Variants in CACNB2 observed in about 807,000 individuals in gnomAD.
The protein encoded by CACNB2 is calcium voltage-gated channel auxiliary subunit beta 2.
In CACNB2, 42 loss-of-function variants were observed where a neutral mutation model predicts 73.3. The observed-to-expected ratio is 0.57, with a 90% CI of 0.45 to 0.74. The LOEUF (loss-of-function observed/expected upper bound fraction) is 0.74, where lower values mean the gene tolerates loss of function less well. CACNB2 is among the 30% of genes least tolerant of loss of function. CACNB2 has a pLI of 0.00. For missense variants in CACNB2, 940 were observed against 853.0 expected (o/e 1.10, Z -1.27); for synonymous variants, 348 against 310.3 (o/e 1.12, Z -1.28).
intron 6 of CACNB2, among the ~76,000 whole-genome samples, chr10:18,512,118 C>G (rs2050830745): frequency 6.6e-6 from 1 of 152,048 alleles, no homozygotes; most frequent in Non-Finnish European, 1.5e-5. Flanking sequence ...TTTTTAAGTA[C>G]TATATTTTCA....
At chr10:18,429,166 GA>G (rs1459286984) in intron 3 of CACNB2, among the ~76,000 whole-genome samples, 1 of 152,170 alleles carries the variant, frequency 6.6e-6, no homozygotes, top group Non-Finnish European at 1.5e-5. Flanking sequence ...TAGTTTTGTT[GA>G]AAATGATTGT....
At chr10:18,243,656 G>T (rs1415346560) in intron 2 of CACNB2, among the ~76,000 whole-genome samples, 1 of 152,144 alleles carries the variant, frequency 6.6e-6, no homozygotes, top group East Asian at 1.9e-4. Context: ...GAATAGGTTA[G>T]TTCCTGCAAG....
chr10:18,166,783 T>C (rs1160018228), intron 2 of CACNB2, among the ~76,000 whole-genome samples: 1 of 151,996 alleles, frequency 6.6e-6, no homozygotes, highest in African/African-American at 2.4e-5. Context: ...TTAGGAGATA[T>C]ACCTAATGCT....
intron 2 of CACNB2, among the ~76,000 whole-genome samples, chr10:18,363,937 G>C (rs1376411768): frequency 6.7e-6 from 1 of 149,408 alleles, no homozygotes; most frequent in South Asian, 2.1e-4. Context: ...GTAGGGTCTT[G>C]AAGGCAGTTT....
chr10:18,187,572 T>A (rs2034209936), intron 2 of CACNB2, among the ~76,000 whole-genome samples: 1 of 151,966 alleles, frequency 6.6e-6, no homozygotes. Context: ...ACATAGAGGG[T>A]TCTTATATTT....
intron 5 of CACNB2, among the ~76,000 whole-genome samples, chr10:18,503,792 ATAAAT>A (rs2050339096): frequency 6.6e-6 from 1 of 152,228 alleles, no homozygotes; most frequent in African/African-American, 2.4e-5. Context: ...CCAAGATGAA[ATAAAT>A]TAAGGATAGT....
chr10:18,366,661 TG>T (rs2042366749), intron 2 of CACNB2, among the ~76,000 whole-genome samples: 8 of 151,512 alleles, frequency 5.3e-5, no homozygotes, highest in African/African-American at 1.9e-4. Context: ...CTGGCCAACA[TG>T]GTGAAACCCC....
intron 3 of CACNB2, among the ~76,000 whole-genome samples, chr10:18,443,989 A>G (rs2046608955): frequency 1.3e-5 from 2 of 152,230 alleles, no homozygotes; most frequent in South Asian, 4.1e-4. Flanking sequence ...TGCTGGAATT[A>G]CAGGCGTGAG....
At chr10:18,337,381 C>T (rs1189642648) in intron 2 of CACNB2, among the ~76,000 whole-genome samples, 1 of 152,164 alleles carries the variant, frequency 6.6e-6, no homozygotes, top group African/African-American at 2.4e-5. Context: ...GCATTACAGG[C>T]GTGAGCCACC....
At position 18,515,325 on chromosome 10, in the gene CACNB2, CCTTT is replaced by C. The variant is rs143534544; in HGVS notation, c.804+957_804+960del. On this transcript the variant is annotated intron_variant, in intron 7 of 13. Coordinates refer to ENST00000324631, the MANE Select transcript of CACNB2 (RefSeq NM_201596.3). ...GACCACTAACCTCCCCCCAAATTTC[CCTTT>C]TTTTCCCCTCTTTTACCCATCAGTT... Among the ~76,000 whole-genome samples the C allele has an allele frequency of 0.19, 29,467 of 152,026 alleles. 3,072 individuals are homozygous for C. Among genetic ancestry groups the C allele is most frequent in the South Asian group, 0.27 (1,315 of 4,810 alleles).
At chr10:18,147,782 G>A (rs1316627495) in intron 1 of CACNB2, among the ~76,000 whole-genome samples, 1 of 151,870 alleles carries the variant, frequency 6.6e-6, no homozygotes, top group Non-Finnish European at 1.5e-5. Context: ...TTTCCGTTTG[G>A]GAGAGGTTTG....
At chr10:18,434,664 G>A (rs183571165) in intron 3 of CACNB2, among the ~76,000 whole-genome samples, 5 of 152,250 alleles carry the variant, frequency 3.3e-5, no homozygotes, top group Admixed American at 2.0e-4. Context: ...GCCTCCCAAA[G>A]TGCTGAGGTT....
At chr10:18,418,040 G>T (rs1180340856) in intron 3 of CACNB2, among the ~76,000 whole-genome samples, 1 of 152,158 alleles carries the variant, frequency 6.6e-6, no homozygotes, top group Non-Finnish European at 1.5e-5. Flanking sequence ...GACTGCTGTA[G>T]TGCAGGAGTG....
intron 6 of CACNB2, among the ~76,000 whole-genome samples, chr10:18,510,056 G>A (rs969140753): frequency 6.6e-6 from 1 of 152,172 alleles, no homozygotes; most frequent in African/African-American, 2.4e-5. Context: ...AACTGCCTTG[G>A]TAAGTTTCTT....
chr10:18,432,505 A>G (rs991514705), intron 3 of CACNB2, among the ~76,000 whole-genome samples: 2 of 151,734 alleles, frequency 1.3e-5, no homozygotes, highest in African/African-American at 4.8e-5. Flanking sequence ...CCTCAATACT[A>G]CTGTTAAAAA....
rs558888007 is a variant in CACNB2, at chr10:18,349,381, C to T, written c.214-52543C>T. 3.9e-5 allele frequency among the ~76,000 whole-genome samples: 6 copies of T among 152,302 alleles called. No homozygotes were observed. The South Asian group carries it at 1.2e-3, about 32-fold the overall frequency. On this transcript the variant is annotated intron_variant, in intron 2 of 13. Transcript: ENST00000324631. ...TACTACAATGACCTAAGTTAATAGACCACAGCGAGTGTGAAGAATAATGGG... is the reference window on the plus strand; with the variant it reads ...TACTACAATGACCTAAGTTAATAGATCACAGCGAGTGTGAAGAATAATGGG...
intron 2 of CACNB2, among the ~76,000 whole-genome samples, chr10:18,314,202 G>A (rs951129962): frequency 1.3e-5 from 2 of 152,182 alleles, no homozygotes; most frequent in African/African-American, 4.8e-5. Flanking sequence ...AGAAAAAAGA[G>A]TTGTTATAAA....
chr10:18,357,970 C>G (rs1470158462), intron 2 of CACNB2, among the ~76,000 whole-genome samples: 1 of 152,194 alleles, frequency 6.6e-6, no homozygotes, highest in African/African-American at 2.4e-5. Flanking sequence ...ATCTACTATA[C>G]AAGCCTCAAC....
intron 2 of CACNB2, among the ~76,000 whole-genome samples, chr10:18,154,232 TAA>T (rs1310516561): frequency 6.6e-6 from 1 of 151,738 alleles, no homozygotes; most frequent in African/African-American, 2.4e-5. Flanking sequence ...TACCAAGATT[TAA>T]AAGTTTTAGA....
Sources: allele counts gnomAD v4.1 joint callset (sites outside exome capture counted in the v4.1 genomes callset), GRCh38; gene constraint gnomAD v4.1.1; transcripts MANE v1.5; gene names NCBI Gene and HGNC (gene_info 2026-07-23, HGNC 2026-07-21).